Variants in PRDM1 observed in about 807,000 individuals in gnomAD.
PRDM1 encodes the protein PR domain zinc finger protein 1.
PRDM1 carries 13 observed loss-of-function variants against 62.8 expected under a neutral mutation model. The ratio of observed to expected loss-of-function variants is 0.21; its 90% confidence interval spans 0.13 to 0.33. PRDM1 has a LOEUF of 0.33. Among genes scored for constraint, PRDM1 ranks in the 10% least tolerant of loss-of-function variants. The pLI is 1.00. For missense variants in PRDM1, 895 were observed against 1,058.8 expected (o/e 0.85, Z 2.15); for synonymous variants, 396 against 417.6 (o/e 0.95, Z 0.63).
upstream of PRDM1, among the ~76,000 whole-genome samples, chr6:105,993,024 C>T (rs1424943277): frequency 6.6e-6 from 1 of 152,176 alleles, no homozygotes; most frequent in Non-Finnish European, 1.5e-5. Context: ...AAGACATGAC[C>T]TAAGGAGTCC....
intron 2 of PRDM1, among the ~76,000 whole-genome samples, chr6:106,089,566 T>C (rs1246460424): frequency 1.3e-5 from 2 of 152,198 alleles, no homozygotes; most frequent in African/African-American, 4.8e-5. Context: ...TAAAATTAAA[T>C]AGAACAACGA....
chr6:106,030,830 A>G (rs1772831551), intron 1 of PRDM1, among the ~76,000 whole-genome samples: 1 of 152,204 alleles, frequency 6.6e-6, no homozygotes, highest in African/African-American at 2.4e-5. Context: ...ATATAAAATC[A>G]GTAGATCAAA....
chr6:106,105,995 T>G, intron 5 of PRDM1, 62 bp downstream of exon 5: 1 of 1,549,288 alleles, frequency 6.5e-7, no homozygotes, highest in Non-Finnish European at 8.7e-7. Flanking sequence ...TGTATTTAGC[T>G]TGCTTTCCAT....
chr6:106,040,993 C>G (rs541041978), intron 1 of PRDM1, among the ~76,000 whole-genome samples: 1 of 152,254 alleles, frequency 6.6e-6, no homozygotes, highest in Non-Finnish European at 1.5e-5. Context: ...AGTTTACTTT[C>G]CTATTTTTTC....
intron 1 of PRDM1, among the ~76,000 whole-genome samples, chr6:106,062,290 A>T (rs564793235): frequency 6.6e-6 from 1 of 152,352 alleles, no homozygotes; most frequent in South Asian, 2.1e-4. Context: ...TCTAAGTATT[A>T]AGGGTAATTT....
At chr6:106,079,703 C>G (rs574414523) in intron 1 of PRDM1, among the ~76,000 whole-genome samples, 1 of 152,302 alleles carries the variant, frequency 6.6e-6, no homozygotes, top group African/African-American at 2.4e-5. Flanking sequence ...GAGGCTGAGG[C>G]ACAAGAATTG....
Position 106,105,660 on chromosome 6 carries a change from G to T in PRDM1, c.1500G>T (p.Gly500=), listed in dbSNP as rs1442887914. ...CCCACAGTGCCTTCTCCTTTACCGG[G>T]GCCGCCGCCAGCATGAAGGACAAGG... ...PAPHSAFSFT[G]AAASMKDKAC... Residue 500 remains glycine (G), a synonymous_variant, in exon 5 of 7, where the codon GGG becomes GGT. Coordinates refer to ENST00000369096, the MANE Select transcript of PRDM1 (RefSeq NM_001198.4). 1 of 1,612,304 alleles carries T rather than the reference G, an allele frequency of 6.2e-7. No individual in the cohort carries two copies.
At chr6:106,080,493 G>T (rs1368140963) in intron 1 of PRDM1, among the ~76,000 whole-genome samples, 1 of 152,180 alleles carries the variant, frequency 6.6e-6, no homozygotes, top group Non-Finnish European at 1.5e-5. Flanking sequence ...AAAAGGTCCA[G>T]ATGGGAAGAA....
chr6:106,078,281 C>T (rs1773634447), intron 1 of PRDM1: 1 of 152,080 alleles, frequency 6.6e-6, no homozygotes, highest in Non-Finnish European at 1.5e-5. Context: ...ATTTTCAGTC[C>T]AAAATAAGCT....
intron 1 of PRDM1, among the ~76,000 whole-genome samples, chr6:106,055,423 C>T (rs1387427935): frequency 6.6e-6 from 1 of 152,116 alleles, no homozygotes; most frequent in Non-Finnish European, 1.5e-5. Flanking sequence ...TAGCCTGGTT[C>T]ACTATTATAA....
chr6:106,074,840 G>A (rs1024907605), intron 1 of PRDM1, among the ~76,000 whole-genome samples: 1 of 152,172 alleles, frequency 6.6e-6, no homozygotes, highest in African/African-American at 2.4e-5. Flanking sequence ...CAGGCATAGT[G>A]GCACGCGCCT....
chr6:105,997,189 C>G (rs1244145188), intron 1 of PRDM1, among the ~76,000 whole-genome samples: 2 of 152,220 alleles, frequency 1.3e-5, no homozygotes, highest in Non-Finnish European at 2.9e-5. Flanking sequence ...GCCTAAGACA[C>G]TGGGATGGGG....
At chr6:106,075,016 C>T (rs537504588) in intron 1 of PRDM1, among the ~76,000 whole-genome samples, 186 of 152,284 alleles carry the variant, frequency 1.2e-3, no homozygotes, top group Non-Finnish European at 1.9e-3. Flanking sequence ...TTTAAAGAAG[C>T]TCTAACTTAA....
upstream of PRDM1, among the ~76,000 whole-genome samples, chr6:106,047,917 A>C (rs144210583): frequency 6.6e-6 from 1 of 152,352 alleles, no homozygotes; most frequent in East Asian, 1.9e-4. Context: ...AATTCAAAGT[A>C]GAAGCATACT....
chr6:105,999,444 A>G (rs1308078595), intron 1 of PRDM1, among the ~76,000 whole-genome samples: 1 of 151,916 alleles, frequency 6.6e-6, no homozygotes, highest in Non-Finnish European at 1.5e-5. Context: ...CAAAATTTGT[A>G]TACAAAAGTG....
chr6:106,056,866 G>A (rs1463980259), intron 1 of PRDM1, among the ~76,000 whole-genome samples: 5 of 31,184 alleles, frequency 1.6e-4, no homozygotes, highest in African/African-American at 4.9e-4. Flanking sequence ...GCTTGTGTTT[G>A]TTATTTGGCT....
chr6:106,027,700 A>T (rs922840781), intron 1 of PRDM1, among the ~76,000 whole-genome samples: 4 of 152,236 alleles, frequency 2.6e-5, no homozygotes, highest in Non-Finnish European at 5.9e-5. Flanking sequence ...TAAGTATTGA[A>T]TAATGTATAT....
At chr6:106,076,820 T>G (rs1200647884) in intron 1 of PRDM1, among the ~76,000 whole-genome samples, 1 of 152,236 alleles carries the variant, frequency 6.6e-6, no homozygotes, top group African/African-American at 2.4e-5. Context: ...GAGTTTGTTT[T>G]GTTAATTGCT....
intron 1 of PRDM1, among the ~76,000 whole-genome samples, chr6:106,035,182 G>T (rs1343233709): frequency 6.6e-6 from 1 of 152,116 alleles, no homozygotes; most frequent in Non-Finnish European, 1.5e-5. Context: ...TCTCCCTTCA[G>T]TCTAAGTTCT....
Sources: allele counts gnomAD v4.1 joint callset (sites outside exome capture counted in the v4.1 genomes callset), GRCh38; gene constraint gnomAD v4.1.1; transcripts MANE v1.5; gene names NCBI Gene and HGNC (gene_info 2026-07-23, HGNC 2026-07-21).